Variants in DGKH observed in about 807,000 individuals in gnomAD.
The protein encoded by DGKH is diacylglycerol kinase eta, also known as DAG kinase eta.
A neutral mutation model predicts 159.3 loss-of-function variants in DGKH; 90 were observed. That is an observed-to-expected ratio of 0.57 (90% CI 0.48 to 0.67). The LOEUF (loss-of-function observed/expected upper bound fraction) is 0.67, where lower values mean the gene tolerates loss of function less well. Ranked by LOEUF, DGKH falls within the 30% of genes least tolerant of loss-of-function variation. DGKH has a pLI of 0.00. For missense variants in DGKH, 1,181 were observed against 1,506.1 expected (o/e 0.78, Z 3.57); for synonymous variants, 536 against 553.8 (o/e 0.97, Z 0.45).
chr13:42,058,929 G>C (rs1160120538), intron 1 of DGKH, among the ~76,000 whole-genome samples: 4 of 152,054 alleles, frequency 2.6e-5, no homozygotes, highest in Non-Finnish European at 5.9e-5. Flanking sequence ...TTTGACATGA[G>C]GGGGAAATAG....
In DGKH at chr13:42,159,542, C is replaced by T. The variant is rs185758975; in HGVS notation, c.729+170C>T. On this transcript the variant is annotated intron_variant, in intron 6 of 29. Coordinates refer to ENST00000337343, the MANE Select transcript of DGKH (RefSeq NM_178009.5). ...TCAATCCTTCATAGCTTCTTTAGCT[C>T]TTAGATTTTGAAGGAAATCTGTTGT... 2.6e-3 allele frequency among the ~76,000 whole-genome samples: 401 copies of T among 152,168 alleles called. 2 individuals are homozygous for T. Among genetic ancestry groups the T allele is most frequent in the Admixed American group, 3.3e-3 (50 of 15,294 alleles).
chr13:42,079,088 T>C (rs1435490286), intron 1 of DGKH, among the ~76,000 whole-genome samples: 4 of 151,740 alleles, frequency 2.6e-5, no homozygotes, highest in African/African-American at 7.3e-5. Context: ...ATTTTTTATA[T>C]ATTTTTTAGT....
chr13:42,140,803 C>T (rs183184009), intron 3 of DGKH: 2 of 151,980 alleles, frequency 1.3e-5, no homozygotes, highest in East Asian at 3.9e-4. Flanking sequence ...GTGGTGCAGA[C>T]TAAAGCCTCA....
chr13:42,119,187 A>G (rs1955021244), intron 1 of DGKH, among the ~76,000 whole-genome samples: 1 of 152,184 alleles, frequency 6.6e-6, no homozygotes, highest in South Asian at 2.1e-4. Context: ...CAGTGGCTGC[A>G]GGCTTCCCGT....
chr13:42,081,439 A>C (rs1261181079), intron 1 of DGKH, among the ~76,000 whole-genome samples: 5 of 152,204 alleles, frequency 3.3e-5, no homozygotes, highest in African/African-American at 1.2e-4. Context: ...CATGTAGGCC[A>C]GGCTGGTCCT....
rs1958366501 is a variant in DGKH, at chr13:42,234,210, T to TA, written c.*5023dup. The TA allele has an allele frequency of 6.6e-6, 1 of 152,220 alleles. No homozygotes were observed. The highest frequency in any genetic ancestry group is 1.5e-5 in the Non-Finnish European group (1 of 68,040). The allele number at this position is 152,220 out of a possible 1,614,324, so 9.4% of individuals were successfully genotyped here. A position where few individuals can be genotyped will look rare whatever the true frequency, so the allele number is the denominator to read the frequency against. ...TCTCTTAATAACTTTTACATATTGA[T>TA]ATAATGTACCAAAACACAATTGCCT... On this transcript the variant is annotated 3_prime_UTR_variant, in exon 30 of 30. Transcript: ENST00000337343.
intron 13 of DGKH, among the ~76,000 whole-genome samples, chr13:42,182,930 C>T (rs1190010399): frequency 6.6e-6 from 1 of 150,948 alleles, no homozygotes; most frequent in African/African-American, 2.4e-5. Context: ...AAACCACACA[C>T]ACTTTATTTG....
intron 13 of DGKH, among the ~76,000 whole-genome samples, chr13:42,184,888 T>TA (rs66713217): frequency 4.4e-5 from 6 of 137,890 alleles, no homozygotes; most frequent in Non-Finnish European, 1.0e-4. Flanking sequence ...TTTTTTTTTT[T>TA]AAAAAAAAAG....
chr13:42,179,394 TTG>T (rs1397072873), intron 13 of DGKH, among the ~76,000 whole-genome samples: 2 of 152,222 alleles, frequency 1.3e-5, no homozygotes, highest in African/African-American at 4.8e-5. Context: ...TTAATTTTTC[TTG>T]TAAAGGAGAA....
intron 13 of DGKH, chr13:42,181,782 G>A (rs1035541761): frequency 7.3e-6 from 4 of 551,496 alleles, no homozygotes; most frequent in Non-Finnish European, 1.2e-5. Flanking sequence ...CCAGGATGCA[G>A]CAGCAGGAGA....
chr13:42,049,510 C>G (rs532085776), intron 1 of DGKH, among the ~76,000 whole-genome samples: 3 of 152,356 alleles, frequency 2.0e-5, no homozygotes, highest in African/African-American at 7.2e-5. Flanking sequence ...GAAGGTGACA[C>G]CGGTCAGCCT....
At chr13:42,079,238 T>G (rs1180499527) in intron 1 of DGKH, among the ~76,000 whole-genome samples, 1 of 152,074 alleles carries the variant, frequency 6.6e-6, no homozygotes, top group Non-Finnish European at 1.5e-5. Flanking sequence ...TCTTTAAAAA[T>G]ATATGTACAA....
chr13:42,187,054 T>G lies in DGKH; in HGVS notation c.1544T>G (p.Leu515Arg). 6.2e-7 allele frequency: 1 copy of G among 1,613,854 alleles called. No individual in the cohort carries two copies. Among genetic ancestry groups the G allele is most frequent in the Non-Finnish European group, 8.5e-7 (1 of 1,179,798 alleles). ...ACAACTTCTTTTCCTCAAAGGACGC[T>G]ATGTGAAACTGTAAAGGACTTCGTT... ...HAVVISSAKT[L>R]CETVKDFVAK... Residue 515 changes from leucine (L) to arginine (R), a missense_variant, in exon 14 of 30, where the codon CTA becomes CGA. Leu to Arg is a moderately radical substitution (Grantham distance 102). This residue lies in a region of DGKH where 369 missense variants were observed against 519.4 expected (regional missense o/e 0.71). Coordinates refer to ENST00000337343, the MANE Select transcript of DGKH (RefSeq NM_178009.5).
intron 20 of DGKH, among the ~76,000 whole-genome samples, chr13:42,201,801 C>T (rs907745197): frequency 2.0e-5 from 3 of 151,956 alleles, no homozygotes; most frequent in Non-Finnish European, 2.9e-5. Flanking sequence ...TCATCGTTAC[C>T]GTATCAAATA....
chr13:42,215,959 A>G (rs1016878639), intron 26 of DGKH, among the ~76,000 whole-genome samples: 6 of 152,240 alleles, frequency 3.9e-5, no homozygotes, highest in Admixed American at 6.5e-5. Flanking sequence ...TATAAAGTGT[A>G]GTAGACATTC....
chr13:42,074,126 CATT>C (rs1883152279), intron 1 of DGKH, among the ~76,000 whole-genome samples: 3 of 152,134 alleles, frequency 2.0e-5, no homozygotes, highest in Admixed American at 6.5e-5. Context: ...AAATTAGAGT[CATT>C]ATTGTCTTAA....
At chr13:42,095,774 A>G (rs1421896727) in intron 1 of DGKH, among the ~76,000 whole-genome samples, 1 of 152,242 alleles carries the variant, frequency 6.6e-6, no homozygotes, top group Non-Finnish European at 1.5e-5. Context: ...TTAGCCTAAT[A>G]CTGCCATAAT....
At chr13:42,119,197 T>C (rs1464002160) in intron 1 of DGKH, among the ~76,000 whole-genome samples, 1 of 152,212 alleles carries the variant, frequency 6.6e-6, no homozygotes, top group Non-Finnish European at 1.5e-5. Flanking sequence ...AGGCTTCCCG[T>C]ATTTCTCCTC....
chr13:42,214,745 TAAAA>T (rs911884305), intron 25 of DGKH, 133 bp downstream of exon 25: 2 of 612,336 alleles, frequency 3.3e-6, no homozygotes, highest in Non-Finnish European at 4.9e-6. Flanking sequence ...AAACCTGCAG[TAAAA>T]TCGTGGACAA....
Sources: allele counts gnomAD v4.1 joint callset (sites outside exome capture counted in the v4.1 genomes callset), GRCh38; gene constraint gnomAD v4.1.1; regional missense constraint gnomAD v4.1.1; transcripts MANE v1.5; gene names NCBI Gene and HGNC (gene_info 2026-07-23, HGNC 2026-07-21).